POU6F2: variants seen among roughly 807,000 people sequenced by gnomAD.
POU6F2 encodes the protein POU domain, class 6, transcription factor 2.
Under a neutral mutation model 71.3 loss-of-function variants are expected in POU6F2, and 31 were observed. The observed-to-expected ratio is 0.43, with a 90% CI of 0.33 to 0.59. POU6F2 has a LOEUF of 0.59. POU6F2 is among the 20% of genes least tolerant of loss of function. The pLI, the probability that POU6F2 is intolerant of heterozygous loss-of-function variation, is 0.04. For synonymous variants in POU6F2, 347 were observed against 355.7 expected (o/e 0.98, Z 0.27); for missense variants, 783 against 856.8 (o/e 0.91, Z 1.07).
chr7:39,392,230 G>A (rs1787087870), intron 5 of POU6F2, among the ~76,000 whole-genome samples: 1 of 152,162 alleles, frequency 6.6e-6, no homozygotes, highest in Non-Finnish European at 1.5e-5. Flanking sequence ...AAAATTATCT[G>A]ATTCAGGGCT....
At chr7:39,002,174 C>A (rs1489428833) in intron 1 of POU6F2, 2 of 152,174 alleles carry the variant, frequency 1.3e-5, no homozygotes, top group Admixed American at 6.5e-5. Flanking sequence ...AAGGAGCAAG[C>A]AATACTTCTA....
At chr7:39,147,273 C>A (rs1459264097) in intron 2 of POU6F2, among the ~76,000 whole-genome samples, 2 of 152,136 alleles carry the variant, frequency 1.3e-5, no homozygotes, top group South Asian at 2.1e-4. Context: ...TACTTTCTTA[C>A]AAACCTAATG....
chr7:39,051,011 T>C (rs1790390654), intron 1 of POU6F2, among the ~76,000 whole-genome samples: 1 of 152,126 alleles, frequency 6.6e-6, no homozygotes, highest in Non-Finnish European at 1.5e-5. Context: ...GCCTCTTTTT[T>C]TGTTTCCCCA....
chr7:39,317,404 G>T (rs1785290736), intron 4 of POU6F2, among the ~76,000 whole-genome samples: 1 of 152,208 alleles, frequency 6.6e-6, no homozygotes, highest in East Asian at 1.9e-4. Context: ...ATCACTGGTT[G>T]CCTGGAACAT....
intron 6 of POU6F2, among the ~76,000 whole-genome samples, chr7:39,409,213 A>G (rs916792204): frequency 1.3e-5 from 2 of 152,216 alleles, no homozygotes; most frequent in African/African-American, 4.8e-5. Context: ...AGATTCTTTC[A>G]CTTGAGTTCT....
At chr7:39,330,813 A>G (rs1469239225) in intron 4 of POU6F2, among the ~76,000 whole-genome samples, 1 of 152,170 alleles carries the variant, frequency 6.6e-6, no homozygotes, top group Non-Finnish European at 1.5e-5. Context: ...TCTTCTAGCT[A>G]CTTTGTAATG....
intron 1 of POU6F2, among the ~76,000 whole-genome samples, chr7:39,014,272 C>T (rs2128704433): frequency 6.6e-6 from 1 of 152,226 alleles, no homozygotes; most frequent in East Asian, 1.9e-4. Flanking sequence ...TTTAAATGAA[C>T]ATTTCCCACA....
rs559044795 is a variant in POU6F2 at position 39,436,481 on chromosome 7, A to G, written c.1320+3198A>G. 3.5e-3 allele frequency among the ~76,000 whole-genome samples: 537 copies of G among 152,104 alleles called. 2 individuals carry two copies. The highest frequency in any genetic ancestry group is 0.011 in the South Asian group (53 of 4,822). ...TTTTGCACATTGATTTTGTATCCTG[A>G]GACTTTGCTGAACTTGCTTATCAGT... On this transcript the variant is annotated intron_variant, in intron 7 of 9. Coordinates refer to ENST00000518318, the MANE Select transcript of POU6F2 (RefSeq NM_001370959.1).
chr7:39,184,370 A>C (rs896598430), intron 2 of POU6F2, among the ~76,000 whole-genome samples: 1 of 152,212 alleles, frequency 6.6e-6, no homozygotes, highest in African/African-American at 2.4e-5. Context: ...AACAAGGGCC[A>C]AATCAATTAA....
chr7:39,314,053 G>A (rs576610352), intron 4 of POU6F2, among the ~76,000 whole-genome samples: 9 of 152,262 alleles, frequency 5.9e-5, no homozygotes, highest in African/African-American at 1.2e-4. Context: ...GATGCTCTGC[G>A]TGCAGCTTCG....
intron 1 of POU6F2, among the ~76,000 whole-genome samples, chr7:39,044,546 A>G (rs1350626186): frequency 6.6e-6 from 1 of 151,990 alleles, no homozygotes; most frequent in Non-Finnish European, 1.5e-5. Flanking sequence ...TCTGAGACTG[A>G]TAGATTTATA....
intron 4 of POU6F2, among the ~76,000 whole-genome samples, chr7:39,274,388 T>G (rs1238676058): frequency 1.3e-5 from 2 of 150,250 alleles, no homozygotes; most frequent in Non-Finnish European, 3.0e-5. Flanking sequence ...TAACAGGATC[T>G]GAAATTGTGG....
At chr7:39,381,496 C>A (rs1786828932) in intron 5 of POU6F2, among the ~76,000 whole-genome samples, 1 of 152,122 alleles carries the variant, frequency 6.6e-6, no homozygotes, top group Admixed American at 6.5e-5. Context: ...CCCACCTCGG[C>A]CTCCCAAAGT....
intron 1 of POU6F2, among the ~76,000 whole-genome samples, chr7:39,012,161 C>T (rs1789312658): frequency 6.6e-6 from 1 of 151,796 alleles, no homozygotes; most frequent in African/African-American, 2.4e-5. Context: ...TCAGGTACAC[C>T]AATCAGACGT....
At chr7:39,346,139 A>G (rs998030596) in intron 5 of POU6F2, among the ~76,000 whole-genome samples, 1 of 152,234 alleles carries the variant, frequency 6.6e-6, no homozygotes, top group African/African-American at 2.4e-5. Flanking sequence ...CATTTCAAAG[A>G]ATTTATTACA....
chr7:39,457,068 G>A (rs1788822668), intron 8 of POU6F2, among the ~76,000 whole-genome samples: 1 of 152,178 alleles, frequency 6.6e-6, no homozygotes, highest in Non-Finnish European at 1.5e-5. Flanking sequence ...TCAGTGATCT[G>A]ACAAAAAGCA....
At chr7:39,056,632 C>G (rs1790524493) in intron 1 of POU6F2, among the ~76,000 whole-genome samples, 1 of 148,758 alleles carries the variant, frequency 6.7e-6, no homozygotes. Context: ...CTCCTTGTTT[C>G]TCTCTCTTTC....
At position 39,271,371 on chromosome 7, in the gene POU6F2, T is replaced by G. The variant is rs144774669; in HGVS notation, c.598+63751T>G. 2.4e-3 allele frequency among the ~76,000 whole-genome samples: 372 copies of G among 152,020 alleles called. 5 individuals are homozygous for G. The East Asian group carries it at 0.032, about 13-fold the overall frequency. On this transcript the variant is annotated intron_variant, in intron 4 of 9. Coordinates refer to ENST00000518318, the MANE Select transcript of POU6F2 (RefSeq NM_001370959.1). Reference sequence around the variant, plus strand: ...TAAAACCTTTATGATGTGGGTGCCTTACAGAAAAAGTTTGCTGACATGGAC... The same window carrying G: ...TAAAACCTTTATGATGTGGGTGCCTGACAGAAAAAGTTTGCTGACATGGAC...
chr7:39,162,833 T>C (rs2128736960), intron 2 of POU6F2, among the ~76,000 whole-genome samples: 1 of 152,318 alleles, frequency 6.6e-6, no homozygotes, highest in South Asian at 2.1e-4. Context: ...TTAGTATCAT[T>C]CCGAAAACTG....
Sources: gnomAD v4.1 joint callset for allele counts (sites outside exome capture counted in the v4.1 genomes callset) on GRCh38, gnomAD v4.1.1 for gene constraint, MANE v1.5 for transcripts, NCBI Gene and HGNC (gene_info 2026-07-23, HGNC 2026-07-21) for gene names.